MGAT4C: variants seen among roughly 807,000 people sequenced by gnomAD.
The protein encoded by MGAT4C is alpha-1,3-mannosyl-glycoprotein 4-beta-N-acetylglucosaminyltransferase C.
In MGAT4C, 19 loss-of-function variants were observed where a neutral mutation model predicts 40.1. The ratio of observed to expected loss-of-function variants is 0.47; its 90% CI spans 0.33 to 0.70. The LOEUF is 0.70. Among genes scored for constraint, MGAT4C ranks in the 30% least tolerant of loss-of-function variants. The pLI, the probability that MGAT4C is intolerant of heterozygous loss-of-function variation, is 0.02. For missense variants in MGAT4C, 491 were observed against 563.2 expected, an observed-to-expected ratio of 0.87 and a Z score of 1.30; for synonymous variants, 181 against 187.1, an observed-to-expected ratio of 0.97 and a Z score of 0.27.
At chr12:86,815,226 C>A (rs1190654858) in intron 1 of MGAT4C, among the ~76,000 whole-genome samples, 1 of 151,880 alleles carries the variant, frequency 6.6e-6, no homozygotes, top group Non-Finnish European at 1.5e-5. Context: ...ATACAAATTG[C>A]CAACAAACAT....
At chr12:86,415,566 C>T (rs1389631821) in intron 3 of MGAT4C, among the ~76,000 whole-genome samples, 6 of 151,806 alleles carry the variant, frequency 4.0e-5, no homozygotes, top group Non-Finnish European at 8.8e-5. Flanking sequence ...TTATTTTTTC[C>T]TATGCACAAT....
At chr12:86,027,837 C>T (rs1351616143) in intron 2 of MGAT4C, among the ~76,000 whole-genome samples, 1 of 151,820 alleles carries the variant, frequency 6.6e-6, no homozygotes, top group Non-Finnish European at 1.5e-5. Context: ...CTTCACTTTG[C>T]TAAATTCATC....
chr12:86,048,485 T>A (rs1038161462), intron 2 of MGAT4C, among the ~76,000 whole-genome samples: 1 of 151,752 alleles, frequency 6.6e-6, no homozygotes, highest in Non-Finnish European at 1.5e-5. Flanking sequence ...TGAAAAAATA[T>A]GAATAAAAAT....
chr12:86,070,527 T>C (rs956667651), intron 1 of MGAT4C, among the ~76,000 whole-genome samples: 2 of 152,084 alleles, frequency 1.3e-5, no homozygotes, highest in Admixed American at 6.6e-5. Flanking sequence ...TTTCTCAAGT[T>C]GCAACTTTAA....
In MGAT4C at chr12:86,372,195, T is replaced by C. The variant is rs140711673; in HGVS notation, c.-119-38068A>G. On this transcript the variant is annotated intron_variant, in intron 3 of 7. Coordinates refer to the MGAT4C transcript ENST00000548651. ...AGAATATAGCAGTTCATGTGTTTTA[T>C]TATTTTTAATATGACATCAAGACAC... Among the ~76,000 whole-genome samples, 209 of 152,038 alleles carry C rather than the reference T, an allele frequency of 1.4e-3. 1 individual carries two copies. The highest frequency in any genetic ancestry group is 4.7e-3 in the African/African-American group (197 of 41,558).
intron 2 of MGAT4C, among the ~76,000 whole-genome samples, chr12:86,486,226 G>A (rs958660658): frequency 7.2e-5 from 11 of 152,040 alleles, no homozygotes; most frequent in Admixed American, 2.0e-4. Flanking sequence ...ACCCTGGAAC[G>A]TAAATGGTCT....
At chr12:86,548,719 G>A (rs1466807528) in intron 2 of MGAT4C, among the ~76,000 whole-genome samples, 3 of 152,090 alleles carry the variant, frequency 2.0e-5, no homozygotes, top group Non-Finnish European at 2.9e-5. Flanking sequence ...TTTGAGAAAT[G>A]TACATGATTA....
At chr12:86,039,459 T>A (rs1226200353) in intron 2 of MGAT4C, among the ~76,000 whole-genome samples, 1 of 152,212 alleles carries the variant, frequency 6.6e-6, no homozygotes, top group Non-Finnish European at 1.5e-5. Flanking sequence ...CTCACTTTAT[T>A]TCTTTGAGTT....
chr12:86,731,526 AT>A (rs1233614108), intron 1 of MGAT4C, among the ~76,000 whole-genome samples: 1 of 151,058 alleles, frequency 6.6e-6, no homozygotes, highest in Admixed American at 6.6e-5. Flanking sequence ...CCCTTTTCTT[AT>A]TTTTTTTCAG....
At chr12:86,699,209 A>T (rs544538584) in intron 2 of MGAT4C, among the ~76,000 whole-genome samples, 98 of 152,276 alleles carry the variant, frequency 6.4e-4, no homozygotes, top group African/African-American at 2.2e-3. Context: ...TCTAAATTAC[A>T]TATTTCTGAC....
chr12:86,369,103 A>T (rs535627773), intron 3 of MGAT4C, among the ~76,000 whole-genome samples: 6 of 151,986 alleles, frequency 3.9e-5, no homozygotes, highest in South Asian at 2.1e-4. Context: ...TGCCATTTTT[A>T]TTATTATGTA....
chr12:85,980,945 T>C lies in MGAT4C; in HGVS notation c.296-515A>G, dbSNP rs73392030. The stretch of plus-strand genomic sequence containing the variant: ...CTTTCAATCATCTTTAAATTTTTTA[T>C]AGAACACATCACATATTTTCAGTTT... On this transcript the variant is annotated intron_variant, in intron 4 of 4. Transcript: ENST00000611864. Among the ~76,000 whole-genome samples the C allele has an allele frequency of 4.7e-3, 717 of 152,300 alleles. 2 individuals carry two copies. Among genetic ancestry groups the C allele is most frequent in the African/African-American group, 0.017 (692 of 41,580 alleles).
intron 2 of MGAT4C, among the ~76,000 whole-genome samples, chr12:86,496,760 G>A (rs765893198): frequency 7.9e-5 from 12 of 151,914 alleles, no homozygotes; most frequent in Non-Finnish European, 1.2e-4. Flanking sequence ...CAGTGTAATT[G>A]AGCTCACCAT....
chr12:86,364,709 G>T (rs1384435769), intron 3 of MGAT4C, among the ~76,000 whole-genome samples: 1 of 151,840 alleles, frequency 6.6e-6, no homozygotes, highest in African/African-American at 2.4e-5. Flanking sequence ...TGGGTGTCTG[G>T]GGGTGACATC....
Position 86,646,923 on chromosome 12 carries a change from G to A in MGAT4C, c.-229+80286C>T, listed in dbSNP as rs573952107. Among the ~76,000 whole-genome samples, 60 of 152,054 alleles carry A rather than the reference G, an allele frequency of 3.9e-4. 1 individual carries two copies. The highest frequency in any genetic ancestry group is 3.3e-3 in the South Asian group (16 of 4,828). ...AGCCAGGCTAAATTTAGTTTGTACC[G>A]TGCAAATTGGTTTGGCCAAAGTGAC... is the stretch of plus-strand genomic sequence containing the variant. On this transcript the variant is annotated intron_variant, in intron 2 of 7. Transcript: ENST00000548651.
intron 2 of MGAT4C, among the ~76,000 whole-genome samples, chr12:86,682,899 CT>C (rs1315295701): frequency 6.6e-6 from 1 of 152,192 alleles, no homozygotes; most frequent in Non-Finnish European, 1.5e-5. Context: ...CTATCACCAT[CT>C]CCTGTATTTA....
rs149001780 is a variant in MGAT4C, at chr12:86,347,791, C to T, written c.-119-13664G>A. On this transcript the variant is annotated intron_variant, in intron 3 of 7. Coordinates refer to the MGAT4C transcript ENST00000548651. ...TCCCCATGTTTCCTAGCCAACAATT[C>T]CTGACACTTTTATTACAAAAGCATT... Among the ~76,000 whole-genome samples, 903 of 152,234 alleles carry T rather than the reference C, an allele frequency of 5.9e-3. 5 individuals are homozygous for T. The highest frequency in any genetic ancestry group is 0.014 in the Middle Eastern group (4 of 294).
rs1960479094 is a variant in MGAT4C at position 86,574,297 on chromosome 12, G to A, written c.-228-139032C>T. ...GACATTTTTCTGCTCACAGTGTCCA[G>A]TGAAAACTTCAAGTTCATCACTTTC... On this transcript the variant is annotated intron_variant, in intron 2 of 7. Transcript: ENST00000548651. Among the ~76,000 whole-genome samples the A allele has an allele frequency of 2.6e-5, 4 of 151,662 alleles. No individual in the cohort carries two copies. The Admixed American group carries it at 2.6e-4, about 10-fold the overall frequency.
At chr12:86,397,261 T>C (rs1028490836) in intron 3 of MGAT4C, among the ~76,000 whole-genome samples, 1 of 152,140 alleles carries the variant, frequency 6.6e-6, no homozygotes, top group Non-Finnish European at 1.5e-5. Context: ...AATATATATG[T>C]ATGAAGTAAA....
Sources: gnomAD v4.1 joint callset for allele counts (sites outside exome capture counted in the v4.1 genomes callset) on GRCh38, gnomAD v4.1.1 for gene constraint, MANE v1.5 for transcripts, NCBI Gene and HGNC (gene_info 2026-07-23, HGNC 2026-07-21) for gene names.